The following PAK4 variants were observed in gnomAD, a reference collection of about 807,000 sequenced individuals.
The protein encoded by PAK4 is serine/threonine-protein kinase PAK 4.
Under a neutral mutation model 53.5 loss-of-function variants are expected in PAK4, and 49 were observed. The observed-to-expected ratio is 0.92, with a 90% confidence interval of 0.73 to 1.16. The LOEUF (loss-of-function observed/expected upper bound fraction) is 1.16. Among genes scored for constraint, PAK4 ranks in the 50% most tolerant of loss-of-function variants. PAK4 has a pLI of 0.00. For missense variants in PAK4, 824 were observed against 850.7 expected (o/e 0.97, Z 0.39); for synonymous variants, 376 against 375.6 (o/e 1.00, Z -0.01).
intron 1 of PAK4, among the ~76,000 whole-genome samples, chr19:39,153,577 G>T (rs1468635066): frequency 1.3e-5 from 2 of 152,140 alleles, no homozygotes; most frequent in African/African-American, 4.8e-5. Context: ...GAGTAGCTGG[G>T]ATTACAGGCG....
intron 2 of PAK4, 51 bp from the exon 4 acceptor site, chr19:39,172,867 G>C (rs1600400351): frequency 7.0e-7 from 1 of 1,437,058 alleles, no homozygotes; most frequent in East Asian, 2.5e-5. Flanking sequence ...TGCACGTCCT[G>C]TGTGCCCCAC....
intron 1 of PAK4, among the ~76,000 whole-genome samples, chr19:39,134,349 C>G (rs2073770904): frequency 1.3e-5 from 2 of 152,228 alleles, no homozygotes; most frequent in Admixed American, 1.3e-4. Flanking sequence ...GCCCATAACC[C>G]CTGTCCATCA....
intron 1 of PAK4, among the ~76,000 whole-genome samples, chr19:39,131,854 C>A (rs1375059858): frequency 6.6e-6 from 1 of 152,198 alleles, no homozygotes; most frequent in South Asian, 2.1e-4. Context: ...AAAGAACTTC[C>A]CTGGGCCTCT....
chr19:39,165,195 G>GATGATGATAATAATAATAATAATA (rs1364745681), intron 1 of PAK4, among the ~76,000 whole-genome samples: 150 of 128,426 alleles, frequency 1.2e-3, no homozygotes, highest in African/African-American at 4.2e-3. Context: ...TGATGATGAT[G>GATGATGATAATAATAATAATAATA]ATAATAATAA....
intron 1 of PAK4, among the ~76,000 whole-genome samples, chr19:39,149,232 G>T (rs1328653946): frequency 6.6e-6 from 1 of 152,214 alleles, no homozygotes; most frequent in African/African-American, 2.4e-5. Flanking sequence ...GAGCTAAAAG[G>T]TGGAAACAGC....
At chr19:39,130,375 C>T (rs929233152) in intron 1 of PAK4, among the ~76,000 whole-genome samples, 3 of 150,888 alleles carry the variant, frequency 2.0e-5, no homozygotes, top group Admixed American at 1.3e-4. Flanking sequence ...GGGATGGAGG[C>T]GCAGGGACCG....
At chr19:39,160,811 G>A (rs1311598682) in intron 1 of PAK4, among the ~76,000 whole-genome samples, 2 of 152,232 alleles carry the variant, frequency 1.3e-5, no homozygotes, top group African/African-American at 4.8e-5. Context: ...AACCACGGTG[G>A]CTTTTCTGGT....
chr19:39,156,872 A>T (rs2145212421), intron 1 of PAK4: 1 of 151,996 alleles, frequency 6.6e-6, no homozygotes, highest in Non-Finnish European at 1.5e-5. Flanking sequence ...AGGCCTCGGG[A>T]GGGGAGGGGG....
Position 39,178,070 on chromosome 19 carries a change from G to A in PAK4, c.1620+261G>A, listed in dbSNP as rs550312466. On this transcript the variant is annotated intron_variant, in intron 8 of 8. Transcript: ENST00000358301. The surrounding 1 kb of genome is among the most constrained non-coding windows in gnomAD (Gnocchi z 4.4). ...CACCCAGCCCTAGAGAGATTTGCAC[G>A]TTTAGAAGTGGAGGACAGGGCCGGG... Among the ~76,000 whole-genome samples, 19 of 152,232 alleles carry A rather than the reference G, an allele frequency of 1.2e-4. No individual in the cohort carries two copies. The highest frequency in any genetic ancestry group is 1.2e-3 in the East Asian group (6 of 5,178).
At position 39,175,458 on chromosome 19, in the gene PAK4, G is replaced by T. The variant is rs778456798; in HGVS notation, c.1359+20G>T. On this transcript the variant is annotated intron_variant, in intron 6 of 8. Transcript: ENST00000358301. This position sits in a 1 kb window ranked among gnomAD's most constrained non-coding sequence, Gnocchi z 4.7. ...GGCAGGGTGAGGGGACGGGCGGCGG[G>T]GTACGGGGGCGGCAGGTTTCCGGCT... The T allele has an allele frequency of 2.5e-6, 4 of 1,596,918 alleles. No homozygotes were observed. The African/African-American group carries it at 5.4e-5, about 21-fold the overall frequency.
downstream of PAK4, chr19:39,181,612 C>G (rs868752352): frequency 6.6e-6 from 1 of 152,480 alleles, no homozygotes; most frequent in African/African-American, 2.4e-5. Context: ...GAGCCTCCTC[C>G]TGGCAGACCC....
chr19:39,128,944 G>T (rs377637449), intron 1 of PAK4, among the ~76,000 whole-genome samples: 136 of 152,382 alleles, frequency 8.9e-4, no homozygotes, highest in African/African-American at 2.9e-3. Context: ...CTGGGCTGGG[G>T]CTGGCCTCAG....
intron 1 of PAK4, among the ~76,000 whole-genome samples, chr19:39,129,405 C>T (rs2073658009): frequency 6.6e-6 from 1 of 152,012 alleles, no homozygotes; most frequent in Non-Finnish European, 1.5e-5. Flanking sequence ...ACGCGTGTTC[C>T]TGTAGACCAT....
At chr19:39,134,568 A>T (rs4803209) in intron 1 of PAK4, among the ~76,000 whole-genome samples, 47,778 of 151,244 alleles carry the variant, frequency 0.32, 7,945 homozygotes, top group Middle Eastern at 0.4. Flanking sequence ...TGCTGAGTGT[A>T]TCTGTAGTCA....
Position 39,173,933 on chromosome 19 carries a change from C to T in PAK4, c.1021C>T (p.Arg341Cys), listed in dbSNP as rs775319564. Reference sequence around the variant, plus strand: ...GGGCATCGTGTGCATCGCCACCGTGCGCAGCTCGGGCAAGCTGGTGGCCGT... The same window carrying T: ...GGGCATCGTGTGCATCGCCACCGTGTGCAGCTCGGGCAAGCTGGTGGCCGT... The change falls in exon 4 of 9, where the codon CGC (arginine) becomes TGC (cysteine). Residue 341 changes from arginine to cysteine, a missense_variant. Physicochemically the swap from Arg to Cys is radical, Grantham distance 180. Coordinates refer to ENST00000358301, the Ensembl canonical transcript of PAK4. This position sits in a 1 kb window ranked among gnomAD's most constrained non-coding sequence, Gnocchi z 6.9. The T allele has an allele frequency of 4.3e-6, 7 of 1,611,298 alleles. No individual in the cohort carries two copies. Among genetic ancestry groups the T allele is most frequent in the East Asian group, 2.2e-5 (1 of 44,854 alleles).
intron 1 of PAK4, among the ~76,000 whole-genome samples, chr19:39,146,543 A>G (rs532309213): frequency 3.9e-5 from 6 of 152,356 alleles, no homozygotes; most frequent in African/African-American, 1.4e-4. Flanking sequence ...AGTTGTAAGA[A>G]GTAACTCAGA....
In PAK4 at chr19:39,175,222, G is replaced by T; in HGVS notation, c.1233-90G>T. 6.7e-7 allele frequency: 1 copy of T among 1,487,338 alleles called. No homozygotes were observed. The highest frequency in any genetic ancestry group is 1.3e-5 in the South Asian group (1 of 79,306). The allele number at this position is 1,487,338 out of a possible 1,614,324, so 92.1% of individuals were successfully genotyped here. ...TCCAGAGTGGGGTCGAGTGGTCTCA[G>T]ATTCCTCCCACTGCAAGGCAGGGCT... On this transcript the variant is annotated intron_variant, in intron 5 of 8. Coordinates refer to ENST00000358301, the Ensembl canonical transcript of PAK4. This position sits in a 1 kb window ranked among gnomAD's most constrained non-coding sequence, Gnocchi z 4.7.
chr19:39,175,337 G>T lies in PAK4; in HGVS notation c.1258G>T (p.Val420Leu), dbSNP rs370017586. The T allele has an allele frequency of 6.3e-7, 1 of 1,595,354 alleles. No individual in the cohort carries two copies. Among genetic ancestry groups the T allele is most frequent in the South Asian group, 1.1e-5 (1 of 88,210 alleles). The change falls in exon 6 of 9, where the codon GTG becomes TTG. Residue 420 changes from valine to leucine, a missense_variant. Transcript: ENST00000358301. The surrounding 1 kb of genome is among the most constrained non-coding windows in gnomAD (Gnocchi z 4.7). ...GATGAACGAGGAGCAGATCGCGGCC[G>T]TGTGCCTTGCAGTGCTGCAGGCCCT... is the stretch of plus-strand genomic sequence containing the variant.
intron 1 of PAK4, among the ~76,000 whole-genome samples, chr19:39,137,195 C>T (rs760552757): frequency 6.6e-5 from 10 of 152,228 alleles, no homozygotes; most frequent in African/African-American, 1.7e-4. Context: ...AGTGCTGACC[C>T]GTGTGGCCTC....
Sources: allele counts gnomAD v4.1 joint callset (sites outside exome capture counted in the v4.1 genomes callset), GRCh38; gene constraint gnomAD v4.1.1; non-coding constraint Gnocchi (gnomAD v3.1); transcripts MANE v1.5; gene names NCBI Gene and HGNC (gene_info 2026-07-23, HGNC 2026-07-21).